TRMT9B: variants seen among roughly 807,000 people sequenced by gnomAD.
The protein encoded by TRMT9B is tRNA methyltransferase 9B (putative).
In TRMT9B, 16 loss-of-function variants were observed where a neutral mutation model predicts 11.5. The ratio of observed to expected loss-of-function variants is 1.39; its 90% CI spans 0.94 to 2.11. The LOEUF (loss-of-function observed/expected upper bound fraction) is 2.11. Among genes scored for constraint, TRMT9B ranks in the 30% most tolerant of loss-of-function variants. The pLI, the probability that TRMT9B is intolerant of heterozygous loss-of-function variation, is 0.00. For synonymous variants in TRMT9B, 274 were observed against 192.4 expected, an observed-to-expected ratio of 1.42 and a Z score of -3.51; for missense variants, 941 against 553.8, an observed-to-expected ratio of 1.70 and a Z score of -7.02.
Position 13,006,206 on chromosome 8 carries a change from GATC to G in TRMT9B, c.7_9del (p.His3del). On this transcript the variant is annotated inframe_deletion, in exon 3 of 5. Coordinates refer to ENST00000524591, the MANE Select transcript of TRMT9B (RefSeq NM_020844.3). ...GGTTGGTCCTGTTTTCTCCAGGATG[GATC>G]ATGAAGCCGCCCAGCTGGAGAAGCA... 1 of 1,613,868 alleles carries G rather than the reference GATC, an allele frequency of 6.2e-7. No individual in the cohort carries two copies.
intron 2 of TRMT9B, among the ~76,000 whole-genome samples, chr8:12,998,558 A>G (rs868645259): frequency 3.3e-5 from 5 of 152,254 alleles, no homozygotes; most frequent in African/African-American, 1.2e-4. Context: ...AAGTGCTTAC[A>G]GCCTATTACC....
rs760510867 is a variant in TRMT9B at position 13,012,720 on chromosome 8, AG to A, written c.193del (p.Val65TyrfsTer13). 6.2e-7 allele frequency: 1 copy of A among 1,614,022 alleles called. No individual in the cohort carries two copies. The highest frequency in any genetic ancestry group is 8.5e-7 in the Non-Finnish European group (1 of 1,179,874). On this transcript the variant is annotated frameshift_variant, in exon 4 of 5. Transcript: ENST00000524591. LOFTEE classifies it high-confidence loss of function. ...GTGKYLKVNSQVHTVGCDYCG... is the reference protein window; with the variant it reads ...GTGKYLKVNSXVHTVGCDYCG... The stretch of plus-strand genomic sequence containing the variant: ...GGAAAATATCTTAAAGTGAACAGCC[AG>A]GTACATACCGTGGGCTGTGACTACT...
chr8:13,003,955 G>C (rs1278323981), intron 2 of TRMT9B, among the ~76,000 whole-genome samples: 1 of 151,614 alleles, frequency 6.6e-6, no homozygotes, highest in Non-Finnish European at 1.5e-5. Flanking sequence ...CAACTCCCTG[G>C]CAGCAGCCAT....
Position 13,006,604 on chromosome 8 carries a change from A to G in TRMT9B, c.154+248A>G. The G allele has an allele frequency of 4.3e-6, 6 of 1,390,280 alleles. No individual in the cohort carries two copies. In the South Asian group the frequency reaches 5.6e-5, roughly 13 times the overall value. 86.1% of individuals were successfully genotyped at this position (1,390,280 alleles called of 1,614,324 possible). On this transcript the variant is annotated intron_variant, in intron 3 of 4. Coordinates refer to ENST00000524591, the MANE Select transcript of TRMT9B (RefSeq NM_020844.3). ...TGGCATGCCAGTACCTAGAATATTC[A>G]TTTTACAGCAGAAACTCGAGACAGT...
rs749844314 is a variant in TRMT9B at position 13,021,515 on chromosome 8, G to A, written c.836G>A (p.Ser279Asn). 6.2e-7 allele frequency: 1 copy of A among 1,613,784 alleles called. No homozygotes were observed. Among genetic ancestry groups the A allele is most frequent in the Non-Finnish European group, 8.5e-7 (1 of 1,179,682 alleles). ...RPLKNTEVWA[S>N]STVTVQPSRH... ...TTGAAAAACACAGAAGTTTGGGCCAGTAGCACTGTAACAGTCCAGCCTTCC... is the reference window on the plus strand; with the variant it reads ...TTGAAAAACACAGAAGTTTGGGCCAATAGCACTGTAACAGTCCAGCCTTCC... Residue 279 changes from serine (S) to asparagine (N), a missense_variant, in exon 5 of 5, where the codon AGT (serine) becomes AAT (asparagine). By Grantham distance (46) the Ser-to-Asn change is conservative. Transcript: ENST00000524591.
At chr8:12,988,059 T>C (rs1373257437) in intron 1 of TRMT9B, among the ~76,000 whole-genome samples, 1 of 152,274 alleles carries the variant, frequency 6.6e-6, no homozygotes, top group Non-Finnish European at 1.5e-5. Flanking sequence ...CGTGTGTTGC[T>C]GTTATTGCTG....
chr8:12,977,181 A>G (rs548534078), intron 1 of TRMT9B, among the ~76,000 whole-genome samples: 21 of 152,336 alleles, frequency 1.4e-4, no homozygotes, highest in African/African-American at 5.1e-4. Context: ...CTGCTGTCAG[A>G]CAGATGGCTG....
Position 12,990,860 on chromosome 8 carries a change from A to G in TRMT9B, c.-173A>G. 2 of 1,289,702 alleles carry G rather than the reference A, an allele frequency of 1.6e-6. No homozygotes were observed. Among genetic ancestry groups the G allele is most frequent in the Non-Finnish European group, 2.0e-6 (2 of 988,612 alleles). 79.9% of individuals were successfully genotyped at this position (1,289,702 alleles called of 1,614,324 possible). A position where few individuals can be genotyped will look rare whatever the true frequency, so the allele number is the denominator to read the frequency against. ...GCCTGTGCTTCCTTCAGAGACTCAC[A>G]CAAGAGGTTTATCATGAGAAGGACC... On this transcript the variant is annotated 5_prime_UTR_variant, in exon 2 of 5. Coordinates refer to ENST00000524591, the MANE Select transcript of TRMT9B (RefSeq NM_020844.3).
intron 4 of TRMT9B, among the ~76,000 whole-genome samples, chr8:13,016,585 T>A (rs1485855984): frequency 6.6e-6 from 1 of 151,824 alleles, no homozygotes; most frequent in Non-Finnish European, 1.5e-5. Context: ...CTTAGCATCA[T>A]ACCTGGTTAT....
intron 1 of TRMT9B, among the ~76,000 whole-genome samples, chr8:12,948,259 A>C (rs945024163): frequency 9.9e-5 from 15 of 152,092 alleles, no homozygotes; most frequent in African/African-American, 3.6e-4. Context: ...TGAATATCTC[A>C]TGTAATTTAT....
chr8:13,001,495 T>C (rs1468002431), intron 2 of TRMT9B, among the ~76,000 whole-genome samples: 3 of 152,232 alleles, frequency 2.0e-5, no homozygotes, highest in Non-Finnish European at 4.4e-5. Flanking sequence ...GTAGATAACA[T>C]ACTTCACTAA....
At chr8:13,016,031 A>C (rs577105611) in intron 4 of TRMT9B, among the ~76,000 whole-genome samples, 19 of 150,956 alleles carry the variant, frequency 1.3e-4, no homozygotes, top group African/African-American at 4.1e-4. Flanking sequence ...GGATCCTTTG[A>C]GTTCAGGAGT....
intron 3 of TRMT9B, chr8:13,012,304 C>T (rs1585366744): frequency 1.0e-6 from 1 of 984,608 alleles, no homozygotes; most frequent in Non-Finnish European, 1.2e-6. Flanking sequence ...TGGCCAGGCA[C>T]AGTGGCTTGC....
intron 2 of TRMT9B, among the ~76,000 whole-genome samples, chr8:12,997,488 A>T (rs1808574534): frequency 6.6e-6 from 1 of 152,120 alleles, no homozygotes; most frequent in South Asian, 2.1e-4. Flanking sequence ...TTGTCCTTAT[A>T]AATTACCCAG....
intron 1 of TRMT9B, among the ~76,000 whole-genome samples, chr8:12,987,763 C>T (rs549525291): frequency 3.9e-5 from 6 of 152,218 alleles, no homozygotes; most frequent in East Asian, 3.9e-4. Flanking sequence ...CTACCTTAAA[C>T]GTGCTCAGAA....
intron 3 of TRMT9B, chr8:13,006,567 A>C (rs561637344): frequency 2.8e-6 from 4 of 1,421,628 alleles, no homozygotes; most frequent in Middle Eastern, 5.2e-4. Flanking sequence ...AGGAATCCTG[A>C]AATTGCACCC....
chr8:12,986,956 G>A (rs1475569293), intron 1 of TRMT9B, among the ~76,000 whole-genome samples: 1 of 152,116 alleles, frequency 6.6e-6, no homozygotes, highest in African/African-American at 2.4e-5. Context: ...TTCTAAAACC[G>A]AGATCAACTT....
At position 13,026,229 on chromosome 8, in the gene TRMT9B, G is replaced by C. The variant is rs978482636; in HGVS notation, c.*4185G>C. On this transcript the variant is annotated 3_prime_UTR_variant, in exon 5 of 5. Coordinates refer to ENST00000524591, the MANE Select transcript of TRMT9B (RefSeq NM_020844.3). ...CTATTACATAGAAAATCTGAAATGAGAATAGCTGTGAACTTTTCTAAATAT... is the reference window on the plus strand; with the variant it reads ...CTATTACATAGAAAATCTGAAATGACAATAGCTGTGAACTTTTCTAAATAT... The C allele has an allele frequency of 1.8e-5, 3 of 167,088 alleles. No individual in the cohort carries two copies. Among genetic ancestry groups the C allele is most frequent in the Admixed American group, 1.3e-4 (2 of 15,278 alleles). The allele number at this position is 167,088 out of a possible 1,614,324, so 10.4% of individuals were successfully genotyped here.
intron 1 of TRMT9B, among the ~76,000 whole-genome samples, chr8:12,959,516 C>CTCTTTTTTT (rs757156112): frequency 5.3e-5 from 4 of 74,934 alleles, no homozygotes; most frequent in Admixed American, 4.8e-4. Context: ...TTTTTCCTTC[C>CTCTTTTTTT]TTTTTTTTTT....
Sources: allele counts gnomAD v4.1 joint callset (sites outside exome capture counted in the v4.1 genomes callset), GRCh38; gene constraint gnomAD v4.1.1; transcripts MANE v1.5; gene names NCBI Gene and HGNC (gene_info 2026-07-23, HGNC 2026-07-21).